The following ADAMTS3 variants were observed in gnomAD, a reference collection of about 807,000 sequenced individuals.
ADAMTS3 encodes A disintegrin and metalloproteinase with thrombospondin motifs 3.
A neutral mutation model predicts 129.0 loss-of-function variants in ADAMTS3; 73 were observed. The observed-to-expected ratio is 0.57, with a 90% CI of 0.47 to 0.69. The LOEUF is 0.69. Ranked by LOEUF, ADAMTS3 falls within the 30% of genes least tolerant of loss-of-function variation. The pLI is 0.00. For synonymous variants in ADAMTS3, 477 were observed against 510.8 expected, an observed-to-expected ratio of 0.93 and a Z score of 0.89; for missense variants, 1,457 against 1,514.5, an observed-to-expected ratio of 0.96 and a Z score of 0.63.
intron 3 of ADAMTS3, among the ~76,000 whole-genome samples, chr4:72,427,080 A>G (rs1722592176): frequency 6.6e-6 from 1 of 152,118 alleles, no homozygotes; most frequent in African/African-American, 2.4e-5. Context: ...CTTATCTTTC[A>G]GTTCTGTAGA....
chr4:72,508,694 G>A (rs970073347), intron 3 of ADAMTS3, among the ~76,000 whole-genome samples: 1 of 151,692 alleles, frequency 6.6e-6, no homozygotes, highest in African/African-American at 2.4e-5. Flanking sequence ...ATACTATTTT[G>A]GCATAATTTG....
At position 72,515,662 on chromosome 4, in the gene ADAMTS3, C is replaced by T. The variant is rs548879677; in HGVS notation, c.504+32816G>A. On this transcript the variant is annotated intron_variant, in intron 3 of 21. Coordinates refer to ENST00000286657, the MANE Select transcript of ADAMTS3 (RefSeq NM_014243.3). ...TTGAGAAGTGTCTGTTCATGTCCTT[C>T]GCCCACTTTTTGATGGGGTTGTTTG... Among the ~76,000 whole-genome samples, 387 of 150,928 alleles carry T rather than the reference C, an allele frequency of 2.6e-3. 1 individual carries two copies. Among genetic ancestry groups the T allele is most frequent in the African/African-American group, 8.1e-3 (329 of 40,850 alleles).
At chr4:72,436,333 A>G (rs1223661396) in intron 3 of ADAMTS3, among the ~76,000 whole-genome samples, 1 of 152,074 alleles carries the variant, frequency 6.6e-6, no homozygotes, top group Non-Finnish European at 1.5e-5. Flanking sequence ...TTAGAATGGC[A>G]ATCATCAAAA....
chr4:72,318,614 T>C lies in ADAMTS3; in HGVS notation c.1443A>G (p.Gln481=). ...AGCCAACACCAAAATCAAAACGACATTGCTCATCCATAGAATAATTGATTC... is the reference window on the plus strand; with the variant it reads ...AGCCAACACCAAAATCAAAACGACACTGCTCATCCATAGAATAATTGATTC... ...LPGINYSMDE[Q]CRFDFGVGYK... Residue 481 remains glutamine (Q), a synonymous_variant, in exon 10 of 22, where the codon CAA becomes CAG. Coordinates refer to ENST00000286657, the MANE Select transcript of ADAMTS3 (RefSeq NM_014243.3). 1 of 1,613,824 alleles carries C rather than the reference T, an allele frequency of 6.2e-7. No homozygotes were observed. The highest frequency in any genetic ancestry group is 8.5e-7 in the Non-Finnish European group (1 of 1,179,874).
intron 3 of ADAMTS3, among the ~76,000 whole-genome samples, chr4:72,419,472 G>A (rs1047609581): frequency 2.0e-5 from 3 of 152,192 alleles, no homozygotes; most frequent in Admixed American, 2.0e-4. Flanking sequence ...GAAGGAATTA[G>A]AGGTGAGGCC....
chr4:72,488,201 T>C (rs1445083494), intron 3 of ADAMTS3, among the ~76,000 whole-genome samples: 2 of 151,990 alleles, frequency 1.3e-5, no homozygotes, highest in Non-Finnish European at 2.9e-5. Context: ...AATAGTGTTG[T>C]GTATTCAATA....
intron 3 of ADAMTS3, among the ~76,000 whole-genome samples, chr4:72,450,459 C>T (rs912612660): frequency 6.6e-6 from 1 of 151,646 alleles, no homozygotes; most frequent in African/African-American, 2.4e-5. Flanking sequence ...TGACAAAAAC[C>T]TATGTTTAAT....
At chr4:72,304,217 T>A in intron 16 of ADAMTS3, 137 bp from the exon 17 acceptor site, 1 of 810,702 alleles carries the variant, frequency 1.2e-6, no homozygotes, top group Non-Finnish European at 1.9e-6. Flanking sequence ...AAATGGGTGT[T>A]AGTTCTGATA....
At chr4:72,405,668 G>A (rs189068359) in intron 4 of ADAMTS3, among the ~76,000 whole-genome samples, 5 of 152,200 alleles carry the variant, frequency 3.3e-5, no homozygotes, top group Admixed American at 2.6e-4. Context: ...ATAATTAGAA[G>A]AAGGAAAATA....
At chr4:72,322,226 T>C (rs1290972338) in intron 6 of ADAMTS3, among the ~76,000 whole-genome samples, 1 of 152,226 alleles carries the variant, frequency 6.6e-6, no homozygotes, top group Non-Finnish European at 1.5e-5. Flanking sequence ...TATAAAATGA[T>C]AAGTGGATGT....
intron 4 of ADAMTS3, among the ~76,000 whole-genome samples, chr4:72,390,000 G>C (rs189631191): frequency 1.1e-4 from 17 of 152,304 alleles, no homozygotes; most frequent in Admixed American, 7.2e-4. Flanking sequence ...AACGAGTGGA[G>C]AAGAGGGCAG....
chr4:72,360,675 G>A (rs983847267), intron 4 of ADAMTS3, among the ~76,000 whole-genome samples: 1 of 151,608 alleles, frequency 6.6e-6, no homozygotes, highest in African/African-American at 2.4e-5. Context: ...TTGCTTATTG[G>A]CATTGACTTT....
rs1578768781 is a variant in ADAMTS3 at position 72,530,629 on chromosome 4, T to C, written c.504+17849A>G. On this transcript the variant is annotated intron_variant, in intron 3 of 21. Transcript: ENST00000286657. The stretch of plus-strand genomic sequence containing the variant: ...ATATATATTATATAATATATATTAT[T>C]ATATAATATATTATATATAATATTA... Among the ~76,000 whole-genome samples, 4 of 84,704 alleles carry C rather than the reference T, an allele frequency of 4.7e-5. No homozygotes were observed. In the South Asian group the frequency reaches 1.4e-3, roughly 29 times the overall value. 55.6% of individuals were successfully genotyped at this position (84,704 alleles called of 152,430 possible).
intron 4 of ADAMTS3, among the ~76,000 whole-genome samples, chr4:72,356,624 T>C (rs923553625): frequency 4.6e-5 from 7 of 151,868 alleles, no homozygotes; most frequent in Non-Finnish European, 1.0e-4. Context: ...CATTTCCAGA[T>C]AATTGTTTAG....
intron 4 of ADAMTS3, among the ~76,000 whole-genome samples, chr4:72,342,610 G>A (rs1720168219): frequency 6.6e-6 from 1 of 151,988 alleles, no homozygotes; most frequent in Non-Finnish European, 1.5e-5. Context: ...TGACCTCAGC[G>A]ATCTGCCTGC....
chr4:72,524,566 CTAT>C (rs1720760621), intron 3 of ADAMTS3, among the ~76,000 whole-genome samples: 3 of 151,986 alleles, frequency 2.0e-5, no homozygotes, highest in South Asian at 2.1e-4. Flanking sequence ...TATTAAGTTA[CTAT>C]TATTATCACC....
chr4:72,459,507 T>C (rs971881834), intron 3 of ADAMTS3, among the ~76,000 whole-genome samples: 1 of 151,508 alleles, frequency 6.6e-6, no homozygotes, highest in African/African-American at 2.4e-5. Context: ...GTCTGAACAG[T>C]TTTTCTACCT....
chr4:72,524,590 T>C (rs1041224214), intron 3 of ADAMTS3, among the ~76,000 whole-genome samples: 8 of 152,062 alleles, frequency 5.3e-5, no homozygotes, highest in Non-Finnish European at 1.0e-4. Context: ...ATTTTACTAA[T>C]GAGGAAACAG....
intron 5 of ADAMTS3, among the ~76,000 whole-genome samples, chr4:72,326,572 A>T (rs1719704608): frequency 6.6e-6 from 1 of 152,116 alleles, no homozygotes; most frequent in South Asian, 2.1e-4. Flanking sequence ...TCTTGTTGAC[A>T]AACTCTACTT....
Sources: gnomAD v4.1 joint callset for allele counts (sites outside exome capture counted in the v4.1 genomes callset) on GRCh38, gnomAD v4.1.1 for gene constraint, MANE v1.5 for transcripts, NCBI Gene and HGNC (gene_info 2026-07-23, HGNC 2026-07-21) for gene names.